COL4A2: variants seen among roughly 807,000 people sequenced by gnomAD.
COL4A2 encodes collagen alpha-2(IV) chain.
In COL4A2, 99 loss-of-function variants were observed where a neutral mutation model predicts 200.2. The ratio of observed to expected loss-of-function variants is 0.49; its 90% CI spans 0.42 to 0.58. The LOEUF is 0.58. COL4A2 is among the 20% of genes least tolerant of loss of function. The probability of loss-of-function intolerance (pLI) is 0.00; values close to 1 mark genes in which losing one functional copy is unlikely to be tolerated. For synonymous variants in COL4A2, 897 were observed against 900.6 expected (o/e 1.00, Z 0.07); for missense variants, 1,950 against 2,314.1 (o/e 0.84, Z 3.23).
intron 3 of COL4A2, among the ~76,000 whole-genome samples, chr13:110,315,401 C>A (rs748944066): frequency 6.6e-6 from 1 of 152,076 alleles, no homozygotes; most frequent in African/African-American, 2.4e-5. Context: ...TGTTTGTTTT[C>A]GTTTTTGTTT....
chr13:110,493,059 TAAC>T, intron 38 of COL4A2, 149 bp from the exon 39 acceptor site: 4 of 872,746 alleles, frequency 4.6e-6, no homozygotes, highest in South Asian at 1.4e-5. Context: ...ACAGGTGAAA[TAAC>T]GATGAGTGAC....
chr13:110,471,826 G>T (rs993147743), intron 28 of COL4A2, among the ~76,000 whole-genome samples: 2 of 152,102 alleles, frequency 1.3e-5, no homozygotes, highest in Admixed American at 6.6e-5. Context: ...TAGGAGTGCC[G>T]AGCCTGCCGT....
chr13:110,431,011 C>A, intron 10 of COL4A2: 1 of 403,692 alleles, frequency 2.5e-6, no homozygotes, highest in East Asian at 7.0e-5. Flanking sequence ...CACACCTGGG[C>A]TCATTACAGC....
chr13:110,420,580 C>G (rs1007625375), intron 4 of COL4A2, among the ~76,000 whole-genome samples: 2 of 152,198 alleles, frequency 1.3e-5, no homozygotes, highest in African/African-American at 4.8e-5. Flanking sequence ...AAACTAGACT[C>G]TTTTCACTTT....
chr13:110,432,374 G>C lies in COL4A2; in HGVS notation c.684+14G>C, dbSNP rs138922857. The C allele has an allele frequency of 2.7e-5, 43 of 1,602,938 alleles. No homozygotes were observed. The highest frequency in any genetic ancestry group is 3.7e-5 in the Non-Finnish European group (43 of 1,174,886). The stretch of plus-strand genomic sequence containing the variant: ...AAAGGACAGCAAGTAAGTTGGTTTT[G>C]GGGGGTGAGGATGAGGGAAGGGGGT... On this transcript the variant is annotated intron_variant, in intron 11 of 47. Transcript: ENST00000360467.
At chr13:110,379,227 T>C (rs1458614461) in intron 4 of COL4A2, among the ~76,000 whole-genome samples, 1 of 152,182 alleles carries the variant, frequency 6.6e-6, no homozygotes, top group East Asian at 1.9e-4. Context: ...CTACACATCC[T>C]ATATGCACAG....
chr13:110,309,445 C>T (rs1884910199), intron 3 of COL4A2, among the ~76,000 whole-genome samples: 1 of 152,204 alleles, frequency 6.6e-6, no homozygotes, highest in South Asian at 2.1e-4. Context: ...AGACTTGGCT[C>T]AGATTTATGA....
At chr13:110,421,065 C>A (rs1033357314) in intron 4 of COL4A2, among the ~76,000 whole-genome samples, 1 of 152,080 alleles carries the variant, frequency 6.6e-6, no homozygotes, top group African/African-American at 2.4e-5. Context: ...ACTAGAATGG[C>A]TATAGCCCAA....
At chr13:110,435,636 A>G (rs904761228) in intron 12 of COL4A2, among the ~76,000 whole-genome samples, 1 of 152,216 alleles carries the variant, frequency 6.6e-6, no homozygotes, top group Admixed American at 6.5e-5. Context: ...AAAGGAAAAG[A>G]CAATGATGTT....
intron 29 of COL4A2, among the ~76,000 whole-genome samples, chr13:110,474,556 A>G (rs1375859092): frequency 8.1e-6 from 1 of 123,056 alleles, no homozygotes; most frequent in African/African-American, 2.9e-5. Flanking sequence ...GCATGCATGC[A>G]CACACACACA....
chr13:110,325,650 T>C (rs1384547729), intron 3 of COL4A2, among the ~76,000 whole-genome samples: 1 of 152,198 alleles, frequency 6.6e-6, no homozygotes, highest in Admixed American at 6.5e-5. Flanking sequence ...GCTTCAGCCT[T>C]TCTGTCTTCT....
chr13:110,502,951 C>T, intron 41 of COL4A2, 170 bp from the exon 42 acceptor site: 1 of 648,616 alleles, frequency 1.5e-6, no homozygotes, highest in South Asian at 2.0e-5. Context: ...AAAATGGTAA[C>T]TTTTATGTTC....
Position 110,492,197 on chromosome 13 carries a change from G to A in COL4A2, c.3562+20G>A, listed in dbSNP as rs375599870. 72 of 1,547,296 alleles carry A rather than the reference G, an allele frequency of 4.7e-5. No homozygotes were observed. Among genetic ancestry groups the A allele is most frequent in the Non-Finnish European group, 5.8e-5 (66 of 1,143,104 alleles). On this transcript the variant is annotated intron_variant, in intron 38 of 47. Coordinates refer to ENST00000360467, the MANE Select transcript of COL4A2 (RefSeq NM_001846.4). ...TACCAGGTAAGGTCACGTAAAACAC[G>A]TGGTCACCCAGACCCAGAGTCGTGG...
chr13:110,381,847 G>A (rs1566503002), intron 4 of COL4A2, among the ~76,000 whole-genome samples: 1 of 152,152 alleles, frequency 6.6e-6, no homozygotes. Flanking sequence ...AATGGTGGTG[G>A]TGATGATAAC....
At chr13:110,434,467 G>C (rs1370236718) in intron 12 of COL4A2, 25 bp downstream of exon 12, 2 of 1,605,942 alleles carry the variant, frequency 1.2e-6, no homozygotes, top group Admixed American at 1.7e-5. Flanking sequence ...GTCAATTCCA[G>C]CAGAGGCATG....
intron 4 of COL4A2, among the ~76,000 whole-genome samples, chr13:110,395,476 C>T (rs990491491): frequency 6.6e-6 from 1 of 152,202 alleles, no homozygotes; most frequent in Admixed American, 6.5e-5. Context: ...GTCTCTCTCT[C>T]CACTCCCTGC....
chr13:110,502,710 C>G (rs1883690727), intron 41 of COL4A2: 1 of 162,338 alleles, frequency 6.2e-6, no homozygotes, highest in African/African-American at 2.4e-5. Context: ...TGAAAGAAGC[C>G]AGTCACAAAA....
intron 4 of COL4A2, among the ~76,000 whole-genome samples, chr13:110,411,421 T>G (rs1448869945): frequency 1.3e-5 from 2 of 152,224 alleles, no homozygotes; most frequent in Non-Finnish European, 2.9e-5. Flanking sequence ...TTCAGAGTAT[T>G]AGCCTGCAGC....
At chr13:110,471,133 GAAGGAT>G (rs1566552802) in intron 28 of COL4A2, among the ~76,000 whole-genome samples, 1 of 152,250 alleles carries the variant, frequency 6.6e-6, no homozygotes, top group Non-Finnish European at 1.5e-5. Context: ...GATTTTGAGA[GAAGGAT>G]AATAATTCCT....
Sources: allele counts gnomAD v4.1 joint callset (sites outside exome capture counted in the v4.1 genomes callset), GRCh38; gene constraint gnomAD v4.1.1; transcripts MANE v1.5; gene names NCBI Gene and HGNC (gene_info 2026-07-23, HGNC 2026-07-21).